CDYL: variants seen among roughly 807,000 people sequenced by gnomAD.
The protein encoded by CDYL is chromodomain Y-like protein.
CDYL carries 8 observed loss-of-function variants against 47.3 expected under a neutral mutation model. The observed-to-expected ratio is 0.17, with a 90% confidence interval of 0.10 to 0.31. The LOEUF is 0.31. CDYL is among the 10% of genes least tolerant of loss of function. The probability of loss-of-function intolerance (pLI) is 1.00; values close to 1 mark genes in which losing one functional copy is unlikely to be tolerated. For synonymous variants in CDYL, 266 were observed against 265.0 expected, an observed-to-expected ratio of 1.00 and a Z score of -0.04; for missense variants, 471 against 701.4, an observed-to-expected ratio of 0.67 and a Z score of 3.71.
At chr6:4,709,950 G>A (rs534712585) in intron 1 of CDYL, among the ~76,000 whole-genome samples, 25 of 152,240 alleles carry the variant, frequency 1.6e-4, no homozygotes, top group Non-Finnish European at 3.2e-4. Flanking sequence ...GCCAGGCACG[G>A]TGGCTCATGC....
chr6:4,847,367 A>G (rs1561667350), intron 1 of CDYL, among the ~76,000 whole-genome samples: 1 of 152,062 alleles, frequency 6.6e-6, no homozygotes, highest in East Asian at 1.9e-4. Flanking sequence ...TTTTCCCCAC[A>G]TTCTTTCAGC....
In CDYL at chr6:4,893,555, C is replaced by T. The variant is rs866222212; in HGVS notation, c.691+1176C>T. ...TAAAAATACAAAAATTAGCCAGGCG[C>T]GGTGGCGCGCACCTGTAATCCCGGC... On this transcript the variant is annotated intron_variant, in intron 2 of 6. Coordinates refer to ENST00000397588, the MANE Select transcript of CDYL (RefSeq NM_004824.4). 8.5e-5 allele frequency among the ~76,000 whole-genome samples: 13 copies of T among 152,256 alleles called. 1 individual carries two copies. The Middle Eastern group carries it at 0.02, about 239-fold the overall frequency.
chr6:4,930,409 G>A (rs1757998862), intron 2 of CDYL, among the ~76,000 whole-genome samples: 1 of 152,186 alleles, frequency 6.6e-6, no homozygotes, highest in Non-Finnish European at 1.5e-5. Flanking sequence ...TTCTAAGACA[G>A]CATTTTTGCC....
At chr6:4,747,107 G>A (rs756544223) in intron 3 of CDYL, among the ~76,000 whole-genome samples, 103 of 152,190 alleles carry the variant, frequency 6.8e-4, no homozygotes, top group Non-Finnish European at 1.1e-3. Flanking sequence ...AAGAGTTCAA[G>A]ACCAGCCTGG....
At chr6:4,760,180 CATAAATATTT>C (rs1758153090) in intron 3 of CDYL, among the ~76,000 whole-genome samples, 1 of 151,712 alleles carries the variant, frequency 6.6e-6, no homozygotes, top group African/African-American at 2.4e-5. Context: ...CTCAGTGTTC[CATAAATATTT>C]ATAGCAGGAA....
chr6:4,840,853 T>C (rs745320658), intron 1 of CDYL, among the ~76,000 whole-genome samples: 1 of 152,106 alleles, frequency 6.6e-6, no homozygotes, highest in Non-Finnish European at 1.5e-5. Context: ...TGTTTTGTTA[T>C]GTTTTTGTTT....
intron 1 of CDYL, among the ~76,000 whole-genome samples, chr6:4,710,705 C>T (rs1513663): frequency 1 from 152,177 of 152,256 alleles, 76,050 homozygotes; most frequent in Non-Finnish European, 1. Flanking sequence ...TCTTTATTCT[C>T]TGCTCCTTGT....
At chr6:4,727,319 GT>G (rs1417466639) in intron 2 of CDYL, among the ~76,000 whole-genome samples, 1 of 152,162 alleles carries the variant, frequency 6.6e-6, no homozygotes, top group Non-Finnish European at 1.5e-5. Flanking sequence ...AGGAAGAAGG[GT>G]AGGAAGCTCA....
At chr6:4,785,037 G>C (rs1758718899) in intron 1 of CDYL, among the ~76,000 whole-genome samples, 1 of 152,134 alleles carries the variant, frequency 6.6e-6, no homozygotes, top group African/African-American at 2.4e-5. Context: ...AAATTACCCG[G>C]TCTCGGGTAT....
At chr6:4,908,909 C>T (rs1019103244) in intron 2 of CDYL, among the ~76,000 whole-genome samples, 1 of 152,210 alleles carries the variant, frequency 6.6e-6, no homozygotes, top group East Asian at 1.9e-4. Context: ...TGAGAGGCTC[C>T]GTTCTTCGCT....
intron 2 of CDYL, among the ~76,000 whole-genome samples, chr6:4,907,967 G>A (rs151185269): frequency 3.3e-5 from 5 of 152,170 alleles, no homozygotes; most frequent in African/African-American, 9.6e-5. Flanking sequence ...CTTGAGCTCC[G>A]TGTTCTCTAC....
At chr6:4,935,846 G>C (rs1320743160) in intron 3 of CDYL, 75 bp downstream of exon 3, 3 of 1,585,552 alleles carry the variant, frequency 1.9e-6, no homozygotes, top group Non-Finnish European at 2.6e-6. Context: ...TGGCTGAACT[G>C]GCTCTTCCTG....
chr6:4,857,343 TA>T (rs1489620215), intron 1 of CDYL, among the ~76,000 whole-genome samples: 1 of 152,218 alleles, frequency 6.6e-6, no homozygotes, highest in Non-Finnish European at 1.5e-5. Context: ...AGTTTTACAT[TA>T]ATAACAATGC....
chr6:4,777,168 T>TG (rs1426949727), intron 1 of CDYL, among the ~76,000 whole-genome samples: 3,530 of 79,324 alleles, frequency 0.045, 173 homozygotes, highest in African/African-American at 0.18. Context: ...GGGGGTGGGG[T>TG]GTGGGGGGGT....
chr6:4,751,133 G>T (rs139388295), intron 3 of CDYL, among the ~76,000 whole-genome samples: 1 of 152,164 alleles, frequency 6.6e-6, no homozygotes, highest in Non-Finnish European at 1.5e-5. Flanking sequence ...GGGATTACAG[G>T]CGTGAGCCAC....
chr6:4,889,929 T>G, intron 1 of CDYL: 1 of 981,956 alleles, frequency 1.0e-6, no homozygotes, highest in Non-Finnish European at 1.2e-6. Flanking sequence ...GGACAGGATC[T>G]GCCTGGGGCC....
At chr6:4,814,685 G>T (rs1759621629) in intron 1 of CDYL, among the ~76,000 whole-genome samples, 1 of 152,002 alleles carries the variant, frequency 6.6e-6, no homozygotes, top group Non-Finnish European at 1.5e-5. Flanking sequence ...ACCATGCCTG[G>T]CTAATTTTTG....
At chr6:4,772,914 C>G (rs1758358622), upstream of CDYL, 1 of 351,498 alleles carries the variant, frequency 2.8e-6, no homozygotes, top group Non-Finnish European at 5.6e-6. Flanking sequence ...CCCCCATCTC[C>G]CCTTGGATGC....
At chr6:4,746,297 G>T (rs1757895827) in intron 3 of CDYL, among the ~76,000 whole-genome samples, 1 of 151,440 alleles carries the variant, frequency 6.6e-6, no homozygotes, top group African/African-American at 2.4e-5. Context: ...CCGGGAGGCG[G>T]AGGTTGCAAT....
Sources: allele counts gnomAD v4.1 joint callset (sites outside exome capture counted in the v4.1 genomes callset), GRCh38; gene constraint gnomAD v4.1.1; transcripts MANE v1.5; gene names NCBI Gene and HGNC (gene_info 2026-07-23, HGNC 2026-07-21).